The following RBFOX1 variants were observed in gnomAD, a reference collection of about 807,000 sequenced individuals.
The protein encoded by RBFOX1 is RNA binding fox-1 homolog 1.
Under a neutral mutation model 57.7 loss-of-function variants are expected in RBFOX1, and 8 were observed. The observed-to-expected ratio is 0.14, with a 90% CI of 0.08 to 0.25. RBFOX1 has a LOEUF of 0.25. RBFOX1 is among the 10% of genes least tolerant of loss of function. The pLI is 1.00. For missense variants in RBFOX1, 611 were observed against 548.5 expected (o/e 1.11, Z -1.14); for synonymous variants, 326 against 222.4 (o/e 1.47, Z -4.15).
chr16:6,230,565 C>T (rs986601714), intron 1 of RBFOX1, among the ~76,000 whole-genome samples: 2 of 152,130 alleles, frequency 1.3e-5, no homozygotes, highest in Admixed American at 6.5e-5. Flanking sequence ...CTCACAATTC[C>T]GTGGGTCAAC....
At chr16:5,617,524 G>C (rs1290625459) in intron 3 of RBFOX1, among the ~76,000 whole-genome samples, 3 of 152,192 alleles carry the variant, frequency 2.0e-5, no homozygotes, top group Non-Finnish European at 4.4e-5. Context: ...GTACACAGTA[G>C]CGTCCATTGA....
intron 2 of RBFOX1, among the ~76,000 whole-genome samples, chr16:6,465,008 A>G (rs2095011436): frequency 6.6e-6 from 1 of 152,224 alleles, no homozygotes; most frequent in Non-Finnish European, 1.5e-5. Context: ...ACATGGTCAT[A>G]ATAAACACAG....
intron 2 of RBFOX1, among the ~76,000 whole-genome samples, chr16:5,590,451 G>C (rs929281977): frequency 6.6e-6 from 1 of 152,192 alleles, no homozygotes; most frequent in Non-Finnish European, 1.5e-5. Context: ...AAGTTAACTG[G>C]CATTTCCTAC....
intron 1 of RBFOX1, among the ~76,000 whole-genome samples, chr16:5,410,288 C>T (rs1023418485): frequency 1.3e-5 from 2 of 151,606 alleles, no homozygotes; most frequent in Non-Finnish European, 2.9e-5. Flanking sequence ...GGAGAATCAC[C>T]TGTGCCCTCA....
intron 1 of RBFOX1, among the ~76,000 whole-genome samples, chr16:5,428,778 A>T (rs747282016): frequency 1.3e-5 from 2 of 152,214 alleles, no homozygotes; most frequent in Non-Finnish European, 2.9e-5. Flanking sequence ...ATAACTTGCT[A>T]TGTAACAATT....
At chr16:6,974,293 A>G (rs964310943) in intron 3 of RBFOX1, among the ~76,000 whole-genome samples, 4 of 149,572 alleles carry the variant, frequency 2.7e-5, no homozygotes, top group Non-Finnish European at 4.4e-5. Context: ...TTAGTAAATA[A>G]CAGTCCAGTT....
intron 4 of RBFOX1, among the ~76,000 whole-genome samples, chr16:7,219,588 C>G (rs1389031869): frequency 1.3e-5 from 2 of 152,150 alleles, no homozygotes; most frequent in South Asian, 2.1e-4. Context: ...TGAGGCATAG[C>G]TGTTGTAGAA....
chr16:6,247,970 C>G (rs1271055655), intron 1 of RBFOX1, among the ~76,000 whole-genome samples: 1 of 152,194 alleles, frequency 6.6e-6, no homozygotes, highest in Non-Finnish European at 1.5e-5. Flanking sequence ...ACATCCATCC[C>G]TTTGTGTTCT....
intron 3 of RBFOX1, among the ~76,000 whole-genome samples, chr16:6,835,754 A>T (rs2093048703): frequency 8.9e-4 from 1 of 1,126 alleles, no homozygotes; most frequent in Non-Finnish European, 2.0e-3. Flanking sequence ...ACTCTGCTTA[A>T]AAAAAAAAAA....
chr16:7,097,731 C>G (rs533011574), intron 4 of RBFOX1, among the ~76,000 whole-genome samples: 1 of 152,098 alleles, frequency 6.6e-6, no homozygotes, highest in Non-Finnish European at 1.5e-5. Context: ...TTCACAGATG[C>G]TGAGTCAGCA....
At chr16:6,873,251 T>G (rs1447182233) in intron 3 of RBFOX1, among the ~76,000 whole-genome samples, 1 of 152,202 alleles carries the variant, frequency 6.6e-6, no homozygotes, top group Admixed American at 6.5e-5. Context: ...AAATGGATTT[T>G]TAATTTATAC....
chr16:7,109,857 C>G (rs1346517643), intron 4 of RBFOX1, among the ~76,000 whole-genome samples: 3 of 152,060 alleles, frequency 2.0e-5, no homozygotes, highest in Non-Finnish European at 2.9e-5. Flanking sequence ...GGTGCTAGGA[C>G]CAGGTCACTA....
intron 1 of RBFOX1, among the ~76,000 whole-genome samples, chr16:6,077,446 C>T (rs756811884): frequency 6.6e-6 from 1 of 152,162 alleles, no homozygotes. Flanking sequence ...TGCGTCACTG[C>T]TGCGAACCAG....
intron 3 of RBFOX1, among the ~76,000 whole-genome samples, chr16:6,916,658 C>T (rs1331458193): frequency 6.6e-6 from 1 of 152,074 alleles, no homozygotes; most frequent in African/African-American, 2.4e-5. Context: ...GTCATCACGA[C>T]CTTCCCAGGT....
At chr16:5,749,658 C>T (rs372957277) in intron 3 of RBFOX1, among the ~76,000 whole-genome samples, 9 of 152,320 alleles carry the variant, frequency 5.9e-5, no homozygotes, top group East Asian at 1.9e-4. Context: ...TTGATCGAAT[C>T]GGCTGCTGAA....
chr16:7,220,507 T>G (rs887158428), intron 4 of RBFOX1, among the ~76,000 whole-genome samples: 3 of 152,204 alleles, frequency 2.0e-5, no homozygotes, highest in Non-Finnish European at 4.4e-5. Context: ...GAGATTTGAT[T>G]ATGTGTGATT....
At chr16:5,483,872 A>C (rs1408328861) in intron 2 of RBFOX1, among the ~76,000 whole-genome samples, 1 of 152,196 alleles carries the variant, frequency 6.6e-6, no homozygotes, top group Admixed American at 6.5e-5. Context: ...ACAGGCTGTA[A>C]TCACGATGCC....
chr16:6,198,360 G>A (rs1009072957), intron 1 of RBFOX1, among the ~76,000 whole-genome samples: 11 of 152,194 alleles, frequency 7.2e-5, no homozygotes, highest in Non-Finnish European at 1.6e-4. Context: ...AGGCAGGAAT[G>A]CTCTCTAAAC....
chr16:6,545,614 C>G (rs1174995645), intron 2 of RBFOX1, among the ~76,000 whole-genome samples: 6 of 152,212 alleles, frequency 3.9e-5, no homozygotes, highest in African/African-American at 1.2e-4. Context: ...CCCCAAAGAT[C>G]TCACTGTACT....
Sources: allele counts gnomAD v4.1 joint callset (sites outside exome capture counted in the v4.1 genomes callset), GRCh38; gene constraint gnomAD v4.1.1; transcripts MANE v1.5; gene names NCBI Gene and HGNC (gene_info 2026-07-23, HGNC 2026-07-21).